CREBBP: variants seen among roughly 807,000 people sequenced by gnomAD.
The protein encoded by CREBBP is CREB-binding protein.
CREBBP carries 19 observed loss-of-function variants against 265.0 expected under a neutral mutation model. The observed-to-expected ratio is 0.07, with a 90% CI of 0.05 to 0.11. The LOEUF (loss-of-function observed/expected upper bound fraction) is 0.11. CREBBP is among the 10% of genes least tolerant of loss of function. The pLI, the probability that CREBBP is intolerant of heterozygous loss-of-function variation, is 1.00. For missense variants in CREBBP, 2,525 were observed against 3,219.0 expected (o/e 0.78, Z 5.22); for synonymous variants, 1,457 against 1,223.7 (o/e 1.19, Z -3.98).
rs370523150 is a variant in CREBBP at position 3,774,712 on chromosome 16, C to T, written c.2159-19G>A. On this transcript the variant is annotated intron_variant, in intron 11 of 30. Transcript: ENST00000262367. ...TTCATCCCTGTAAATGTACCCACAACGGTTCATTAGGAAAAGCACCCACAG... is the reference window on the plus strand; with the variant it reads ...TTCATCCCTGTAAATGTACCCACAATGGTTCATTAGGAAAAGCACCCACAG... The T allele has an allele frequency of 2.8e-5, 45 of 1,613,934 alleles. 1 individual carries two copies. The highest frequency in any genetic ancestry group is 1.6e-4 in the Middle Eastern group (1 of 6,084).
chr16:3,779,177 G>GGA (rs1555483980), intron 8 of CREBBP, among the ~76,000 whole-genome samples: 2 of 117,526 alleles, frequency 1.7e-5, no homozygotes, highest in African/African-American at 6.2e-5. Flanking sequence ...AAAAAAAGAA[G>GGA]AAAAAAAAAA....
At chr16:3,860,831 G>T (rs997666185) in intron 1 of CREBBP, among the ~76,000 whole-genome samples, 1 of 151,934 alleles carries the variant, frequency 6.6e-6, no homozygotes, top group Admixed American at 6.6e-5. Flanking sequence ...CTACGCTCTC[G>T]GTGTGTTTAC....
intron 2 of CREBBP, among the ~76,000 whole-genome samples, chr16:3,849,445 G>GCA (rs2054766901): frequency 4.1e-5 from 1 of 24,188 alleles, no homozygotes; most frequent in Non-Finnish European, 1.6e-4. Flanking sequence ...GTGTGTGTGT[G>GCA]TGTGTGTGTG....
intron 2 of CREBBP, among the ~76,000 whole-genome samples, chr16:3,841,352 G>A (rs1260699736): frequency 1.3e-5 from 2 of 151,920 alleles, no homozygotes; most frequent in Non-Finnish European, 2.9e-5. Context: ...GGTAAAGAAA[G>A]CATTGGGTAG....
intron 2 of CREBBP, among the ~76,000 whole-genome samples, chr16:3,829,770 C>T (rs2054305993): frequency 6.6e-6 from 1 of 152,188 alleles, no homozygotes; most frequent in Non-Finnish European, 1.5e-5. Context: ...TTCCACTACA[C>T]AGTCTAAAAG....
intron 3 of CREBBP, among the ~76,000 whole-genome samples, chr16:3,808,382 G>T (rs1596980318): frequency 6.6e-6 from 1 of 152,212 alleles, no homozygotes; most frequent in East Asian, 1.9e-4. Context: ...AGAGGAGAAG[G>T]CTGTAAGCAC....
chr16:3,767,497 G>A (rs916539313), intron 16 of CREBBP: 1 of 624,634 alleles, frequency 1.6e-6, no homozygotes, highest in African/African-American at 1.8e-5. Flanking sequence ...TGCCCTCGGA[G>A]CAGCAGCTCA....
Position 3,880,036 on chromosome 16 carries a change from G to A in CREBBP, c.-120C>T. 8.4e-6 allele frequency: 7 copies of A among 833,114 alleles called. No individual in the cohort carries two copies. The highest frequency in any genetic ancestry group is 1.1e-5 in the Non-Finnish European group (7 of 626,028). 51.6% of individuals were successfully genotyped at this position (833,114 alleles called of 1,614,324 possible). On this transcript the variant is annotated 5_prime_UTR_variant, in exon 1 of 31. Coordinates refer to ENST00000262367, the MANE Select transcript of CREBBP (RefSeq NM_004380.3). Reference sequence around the variant, plus strand: ...GAGCGAGCGCGGGCCGCGAGCGGGCGGGCGGGCGCCGAGGGAGAGGGAGGG... The same window carrying A: ...GAGCGAGCGCGGGCCGCGAGCGGGCAGGCGGGCGCCGAGGGAGAGGGAGGG...
intron 2 of CREBBP, among the ~76,000 whole-genome samples, chr16:3,817,519 T>TA (rs980178206): frequency 6.6e-6 from 1 of 152,134 alleles, no homozygotes; most frequent in Non-Finnish European, 1.5e-5. Flanking sequence ...TCTAGTCTCG[T>TA]AAAAAAGTTA....
At chr16:3,868,369 C>G (rs1240854003) in intron 1 of CREBBP, among the ~76,000 whole-genome samples, 1 of 133,296 alleles carries the variant, frequency 7.5e-6, no homozygotes, top group Admixed American at 7.3e-5. Context: ...CTTTTCCTGC[C>G]AAAAACGGGG....
intron 26 of CREBBP, among the ~76,000 whole-genome samples, chr16:3,737,767 ATTTTTCTTTTTTTCTTTTCTTTCT>A (rs1567270979): frequency 2.1e-5 from 3 of 144,076 alleles, no homozygotes; most frequent in African/African-American, 7.8e-5. Context: ...TTTTTTTTGT[ATTTTTCTTTTTTTCTTTTCTTTCT>A]TTTTTCTTTT....
intron 18 of CREBBP, 108 bp from the exon 19 acceptor site, chr16:3,757,484 TAGAC>T (rs1410893777): frequency 9.6e-6 from 10 of 1,046,828 alleles, no homozygotes; most frequent in Admixed American, 8.2e-5. Context: ...GTTAGTATAT[TAGAC>T]AGTTTTCTAA....
intron 3 of CREBBP, among the ~76,000 whole-genome samples, chr16:3,798,507 T>C (rs986593929): frequency 1.3e-5 from 2 of 152,088 alleles, no homozygotes; most frequent in Admixed American, 6.5e-5. Flanking sequence ...AATTAAAAAA[T>C]AAGTGAAAGC....
chr16:3,745,522 T>C (rs554035340), intron 21 of CREBBP, 168 bp from the exon 22 acceptor site: 4 of 678,622 alleles, frequency 5.9e-6, no homozygotes, highest in African/African-American at 5.3e-5. Context: ...TGCATCCGTA[T>C]GATATCTTCT....
intron 1 of CREBBP, among the ~76,000 whole-genome samples, chr16:3,861,410 A>G (rs2055070939): frequency 6.6e-6 from 1 of 152,238 alleles, no homozygotes; most frequent in African/African-American, 2.4e-5. Context: ...CATTACTATC[A>G]CTGTCCCAAT....
chr16:3,810,839 C>T (rs1363376243), intron 2 of CREBBP, 60 bp from the exon 3 acceptor site: 1 of 1,541,054 alleles, frequency 6.5e-7, no homozygotes, highest in African/African-American at 1.4e-5. Context: ...AAGGAAGGGC[C>T]TGGGAAATGC....
chr16:3,756,794 T>C (rs564156618), intron 19 of CREBBP, among the ~76,000 whole-genome samples: 4 of 152,224 alleles, frequency 2.6e-5, no homozygotes, highest in African/African-American at 7.2e-5. Context: ...TTCTACTCTA[T>C]GAACATCTTG....
intron 2 of CREBBP, among the ~76,000 whole-genome samples, chr16:3,848,693 C>G (rs2054720146): frequency 6.6e-6 from 1 of 152,072 alleles, no homozygotes; most frequent in African/African-American, 2.4e-5. Context: ...GATTTAAACT[C>G]TCCAGAATAG....
chr16:3,867,189 AAC>A (rs1273952893), intron 1 of CREBBP, among the ~76,000 whole-genome samples: 1 of 152,202 alleles, frequency 6.6e-6, no homozygotes, highest in East Asian at 1.9e-4. Flanking sequence ...AGAAACAATA[AAC>A]ACAACTTCTG....
Sources: gnomAD v4.1 joint callset for allele counts (sites outside exome capture counted in the v4.1 genomes callset) on GRCh38, gnomAD v4.1.1 for gene constraint, MANE v1.5 for transcripts, NCBI Gene and HGNC (gene_info 2026-07-23, HGNC 2026-07-21) for gene names.